IDO2: variants seen among roughly 807,000 people sequenced by gnomAD.
The protein encoded by IDO2 is indoleamine 2,3-dioxygenase-like 1 protein.
IDO2 carries 46 observed loss-of-function variants against 45.1 expected under a neutral mutation model. The observed-to-expected ratio is 1.02, with a 90% CI of 0.80 to 1.30. IDO2 has a LOEUF of 1.30. Ranked by LOEUF, IDO2 falls within the 50% of genes most tolerant of loss-of-function variation. The probability of loss-of-function intolerance (pLI) is 0.00; values close to 1 mark genes in which losing one functional copy is unlikely to be tolerated. For missense variants in IDO2, 544 were observed against 491.8 expected, an observed-to-expected ratio of 1.11 and a Z score of -1.00; for synonymous variants, 218 against 184.9, an observed-to-expected ratio of 1.18 and a Z score of -1.45.
intron 2 of IDO2, among the ~76,000 whole-genome samples, chr8:39,951,252 T>A (rs536711504): frequency 1.3e-5 from 2 of 148,632 alleles, no homozygotes; most frequent in African/African-American, 4.9e-5. Flanking sequence ...ATTACTGCAA[T>A]GACTGCAACA....
intron 3 of IDO2, among the ~76,000 whole-genome samples, chr8:39,971,965 T>G (rs1003538211): frequency 1.3e-5 from 2 of 152,142 alleles, no homozygotes; most frequent in African/African-American, 4.8e-5. Context: ...CCTGCCACCA[T>G]GCCCACCTAA....
At chr8:39,975,832 A>C (rs1341927862) in intron 3 of IDO2, among the ~76,000 whole-genome samples, 2 of 152,076 alleles carry the variant, frequency 1.3e-5, no homozygotes, top group African/African-American at 2.4e-5. Context: ...ATAGCAAAAA[A>C]ACATAAAATA....
intron 1 of IDO2, among the ~76,000 whole-genome samples, chr8:39,941,166 G>A (rs1183518915): frequency 3.7e-5 from 5 of 135,598 alleles, no homozygotes; most frequent in Admixed American, 8.5e-5. Flanking sequence ...AGGCTACAGT[G>A]AGCCGAGATC....
chr8:39,975,299 C>G (rs867859006), intron 3 of IDO2, among the ~76,000 whole-genome samples: 1 of 151,536 alleles, frequency 6.6e-6, no homozygotes, highest in African/African-American at 2.4e-5. Context: ...TTATGACATA[C>G]TTGATATCCT....
At chr8:40,015,632 C>T (rs761051665) in exon 11 of IDO2, 5 of 1,524,536 alleles carry the variant, frequency 3.3e-6, no homozygotes, top group Admixed American at 3.5e-5. Flanking sequence ...CAATGCAGAG[C>T]CCCCATGGAG....
chr8:40,014,327 G>A (rs1184516530), intron 10 of IDO2, among the ~76,000 whole-genome samples: 6 of 152,180 alleles, frequency 3.9e-5, no homozygotes, highest in East Asian at 1.9e-4. Context: ...AATTTTTCAC[G>A]GATTTTGGCA....
At chr8:39,953,828 T>C (rs1807848196) in intron 2 of IDO2, among the ~76,000 whole-genome samples, 1 of 152,122 alleles carries the variant, frequency 6.6e-6, no homozygotes, top group Non-Finnish European at 1.5e-5. Context: ...GCCCTCTGTC[T>C]CAAAACAAAA....
chr8:39,983,607 T>TA (rs1161945118), intron 5 of IDO2, among the ~76,000 whole-genome samples: 15 of 152,140 alleles, frequency 9.9e-5, no homozygotes, highest in Admixed American at 5.2e-4. Flanking sequence ...CTCACCCCTG[T>TA]AATCCCGGCA....
chr8:40,002,094 C>A (rs1435928340), intron 8 of IDO2, among the ~76,000 whole-genome samples: 1 of 152,134 alleles, frequency 6.6e-6, no homozygotes, highest in East Asian at 1.9e-4. Context: ...CCCATAAATA[C>A]ATTTTTATGT....
At chr8:39,979,152 A>G (rs767686502) in exon 4 of IDO2, 1 of 1,600,738 alleles carries the variant, frequency 6.2e-7, no homozygotes, top group Non-Finnish European at 8.5e-7. Context: ...ACCATGGGTT[A>G]TGTCTGGCAG....
intron 1 of IDO2, among the ~76,000 whole-genome samples, chr8:39,937,584 G>C (rs1807577704): frequency 6.6e-6 from 1 of 150,664 alleles, no homozygotes; most frequent in African/African-American, 2.4e-5. Flanking sequence ...GCAGTGGTGT[G>C]ATCCTAGCTC....
At chr8:39,969,884 A>C (rs1808153793) in intron 3 of IDO2, among the ~76,000 whole-genome samples, 1 of 152,056 alleles carries the variant, frequency 6.6e-6, no homozygotes. Flanking sequence ...TCAAAAAAAA[A>C]AAAAAAAATA....
intron 1 of IDO2, among the ~76,000 whole-genome samples, chr8:39,948,784 G>T (rs2129593277): frequency 6.6e-6 from 1 of 152,274 alleles, no homozygotes; most frequent in East Asian, 1.9e-4. Flanking sequence ...AATTCACGAT[G>T]GAGCAGGTAC....
intron 9 of IDO2, 78 bp from the exon 10 acceptor site, chr8:40,013,487 A>T: frequency 7.5e-7 from 1 of 1,342,104 alleles, no homozygotes; most frequent in Non-Finnish European, 1.0e-6. Flanking sequence ...TTTCTCATTC[A>T]CTCTCAGTTT....
chr8:39,979,178 C>T (rs866311511), exon 4 of IDO2: 14 of 1,586,388 alleles, frequency 8.8e-6, no homozygotes, highest in Non-Finnish European at 1.2e-5. Flanking sequence ...AGAGGCGCAG[C>T]CTGCAGAGGT....
At chr8:39,938,976 G>A (rs1180927620) in intron 1 of IDO2, among the ~76,000 whole-genome samples, 2 of 152,124 alleles carry the variant, frequency 1.3e-5, no homozygotes, top group Non-Finnish European at 1.5e-5. Context: ...CACTCATGCC[G>A]GGCACAGTGG....
chr8:39,980,916 A>AT (rs1335057278), intron 4 of IDO2, among the ~76,000 whole-genome samples: 28 of 151,148 alleles, frequency 1.9e-4, no homozygotes, highest in African/African-American at 4.9e-4. Flanking sequence ...CGGCCAGCTA[A>AT]TTTTTTTTGT....
At chr8:39,947,403 A>G (rs906643972) in intron 1 of IDO2, among the ~76,000 whole-genome samples, 2 of 152,200 alleles carry the variant, frequency 1.3e-5, no homozygotes, top group Admixed American at 6.5e-5. Flanking sequence ...AGCTCCCACA[A>G]TTTAGCCTAA....
intron 8 of IDO2, 44 bp downstream of exon 8, chr8:39,989,882 G>T: frequency 7.4e-7 from 1 of 1,356,306 alleles, no homozygotes; most frequent in South Asian, 1.3e-5. Context: ...CAGGGGTCCT[G>T]GGCTCTGCTT....
Sources: gnomAD v4.1 joint callset for allele counts (sites outside exome capture counted in the v4.1 genomes callset) on GRCh38, gnomAD v4.1.1 for gene constraint, MANE v1.5 for transcripts, NCBI Gene and HGNC (gene_info 2026-07-23, HGNC 2026-07-21) for gene names.